The following SLC37A3 variants were observed in gnomAD, a reference collection of about 807,000 sequenced individuals.
SLC37A3 encodes the protein sugar phosphate exchanger 3.
Under a neutral mutation model 67.1 loss-of-function variants are expected in SLC37A3, and 51 were observed. The observed-to-expected ratio is 0.76, with a 90% CI of 0.61 to 0.96. The LOEUF is 0.96. Among genes scored for constraint, SLC37A3 ranks in the 40% least tolerant of loss-of-function variants. The probability of loss-of-function intolerance (pLI) is 0.00; values close to 1 mark genes in which losing one functional copy is unlikely to be tolerated. For synonymous variants in SLC37A3, 214 were observed against 231.4 expected, an observed-to-expected ratio of 0.92 and a Z score of 0.68; for missense variants, 508 against 603.0, an observed-to-expected ratio of 0.84 and a Z score of 1.65.
intron 2 of SLC37A3, among the ~76,000 whole-genome samples, chr7:140,381,878 G>GT (rs1184833768): frequency 6.6e-6 from 1 of 151,856 alleles, no homozygotes; most frequent in African/African-American, 2.4e-5. Flanking sequence ...GCCGGGCATG[G>GT]TGACACGCAC....
At chr7:140,362,418 T>TGG (rs200795551) in intron 5 of SLC37A3, among the ~76,000 whole-genome samples, 28 of 102,780 alleles carry the variant, frequency 2.7e-4, no homozygotes, top group South Asian at 1.8e-3. Flanking sequence ...GGGAGGGAGG[T>TGG]GGGGGGGGGG....
In SLC37A3 at chr7:140,387,702, AATATAAATATACTATATATATT is replaced by A. The variant is rs1199661920; in HGVS notation, c.-70-5128_-70-5107del. Among the ~76,000 whole-genome samples the A allele has an allele frequency of 5.5e-3, 334 of 60,216 alleles. 7 individuals carry two copies. Among genetic ancestry groups the A allele is most frequent in the African/African-American group, 0.018 (315 of 17,568 alleles). 39.5% of individuals were successfully genotyped at this position (60,216 alleles called of 152,430 possible). A position where few individuals can be genotyped will look rare whatever the true frequency, so the allele number is the denominator to read the frequency against. The stretch of plus-strand genomic sequence containing the variant: ...ATAAATATATTATATATATTATATA[AATATAAATATACTATATATATT>A]ATATAAATATACTATATATTATATA... On this transcript the variant is annotated intron_variant, in intron 1 of 14. Transcript: ENST00000326232.
chr7:140,359,224 T>C (rs111714559), intron 5 of SLC37A3, among the ~76,000 whole-genome samples: 19,749 of 151,328 alleles, frequency 0.13, 1,551 homozygotes, highest in African/African-American at 0.2. Flanking sequence ...GTGCCTGTAG[T>C]CCCAGCTACT....
chr7:140,371,099 G>A (rs986936229), intron 3 of SLC37A3, among the ~76,000 whole-genome samples: 12 of 152,174 alleles, frequency 7.9e-5, no homozygotes, highest in Non-Finnish European at 1.2e-4. Context: ...ACCCATTCAC[G>A]ACAAAGCAGC....
chr7:140,347,257 A>AG (rs1449854288), intron 10 of SLC37A3, among the ~76,000 whole-genome samples: 2 of 151,994 alleles, frequency 1.3e-5, no homozygotes, highest in East Asian at 1.9e-4. Flanking sequence ...CAAAAAAAAA[A>AG]AAAAAGAAAA....
At chr7:140,366,833 T>C (rs955069315) in intron 4 of SLC37A3, among the ~76,000 whole-genome samples, 4 of 152,134 alleles carry the variant, frequency 2.6e-5, no homozygotes, top group Non-Finnish European at 4.4e-5. Context: ...GAAAAGATAC[T>C]CTTAATAATT....
At chr7:140,343,716 T>A (rs1232196544) in intron 12 of SLC37A3, 153 bp from the exon 13 acceptor site, 6 of 721,208 alleles carry the variant, frequency 8.3e-6, no homozygotes, top group Non-Finnish European at 1.3e-5. Flanking sequence ...TTCAAACTAT[T>A]AGTAGTTAAC....
chr7:140,365,739 T>A (rs889730877), intron 4 of SLC37A3, among the ~76,000 whole-genome samples: 5 of 151,744 alleles, frequency 3.3e-5, no homozygotes, highest in African/African-American at 1.2e-4. Flanking sequence ...AATGAGAAGA[T>A]AAATTTAAAT....
At chr7:140,363,017 T>C (rs1797424008) in intron 5 of SLC37A3, among the ~76,000 whole-genome samples, 1 of 80,330 alleles carries the variant, frequency 1.2e-5, no homozygotes. Context: ...CCGCCCCTAA[T>C]GGGAAGTGAG....
chr7:140,381,213 TAA>T (rs138883793), intron 2 of SLC37A3, among the ~76,000 whole-genome samples: 75 of 135,966 alleles, frequency 5.5e-4, no homozygotes, highest in Non-Finnish European at 6.6e-4. Context: ...TTCTTCTCTT[TAA>T]AAAAAAAAAA....
intron 3 of SLC37A3, among the ~76,000 whole-genome samples, chr7:140,373,021 G>A (rs1212715156): frequency 6.6e-6 from 1 of 152,046 alleles, no homozygotes; most frequent in Admixed American, 6.6e-5. Flanking sequence ...GCGCGATCTC[G>A]GCTCACTGCG....
intron 3 of SLC37A3, among the ~76,000 whole-genome samples, chr7:140,378,335 A>T (rs1295677265): frequency 1.3e-5 from 2 of 152,182 alleles, no homozygotes; most frequent in Admixed American, 1.3e-4. Context: ...TTCTGCCTGG[A>T]ACTACTGAAG....
chr7:140,387,791 A>T (rs1798545393), intron 1 of SLC37A3, among the ~76,000 whole-genome samples: 1 of 71,030 alleles, frequency 1.4e-5, no homozygotes, highest in Non-Finnish European at 2.4e-5. Flanking sequence ...ATATAAATAT[A>T]TTATATATAT....
intron 1 of SLC37A3, among the ~76,000 whole-genome samples, chr7:140,383,466 T>A (rs1386381184): frequency 6.6e-6 from 1 of 152,024 alleles, no homozygotes. Context: ...GTGAGACCCC[T>A]GACTCTAAGC....
chr7:140,348,615 C>G lies in SLC37A3; in HGVS notation c.1024+11G>C. 1 of 1,595,872 alleles carries G rather than the reference C, an allele frequency of 6.3e-7. No individual in the cohort carries two copies. Among genetic ancestry groups the G allele is most frequent in the South Asian group, 1.1e-5 (1 of 88,218 alleles). ...ACTCTTTATTATGGAAAAGATGTAT[C>G]ACCGGCATACCTATGATCCCTCCAA... On this transcript the variant is annotated intron_variant, in intron 10 of 14. Coordinates refer to ENST00000326232, the MANE Select transcript of SLC37A3 (RefSeq NM_207113.3).
At chr7:140,388,281 A>C (rs1012088251) in intron 1 of SLC37A3, among the ~76,000 whole-genome samples, 5 of 151,498 alleles carry the variant, frequency 3.3e-5, no homozygotes, top group African/African-American at 1.2e-4. Flanking sequence ...AAAAATACAA[A>C]AAGTAGCCAG....
chr7:140,397,890 A>C (rs980957240), intron 1 of SLC37A3, among the ~76,000 whole-genome samples: 3 of 152,198 alleles, frequency 2.0e-5, no homozygotes, highest in Non-Finnish European at 4.4e-5. Flanking sequence ...GCGAAGAATA[A>C]GGAGGGAATG....
intron 5 of SLC37A3, among the ~76,000 whole-genome samples, chr7:140,361,010 A>C (rs1222002991): frequency 6.6e-6 from 1 of 152,136 alleles, no homozygotes; most frequent in Non-Finnish European, 1.5e-5. Flanking sequence ...GCTAAGCGGC[A>C]GACTGTTTCA....
At chr7:140,368,192 G>C (rs1194438963) in intron 4 of SLC37A3, among the ~76,000 whole-genome samples, 14 of 152,162 alleles carry the variant, frequency 9.2e-5, no homozygotes, top group Non-Finnish European at 1.9e-4. Flanking sequence ...CTAGGGCTCA[G>C]GTTTCACACC....
Sources: allele counts gnomAD v4.1 joint callset (sites outside exome capture counted in the v4.1 genomes callset), GRCh38; gene constraint gnomAD v4.1.1; transcripts MANE v1.5; gene names NCBI Gene and HGNC (gene_info 2026-07-23, HGNC 2026-07-21).